Variants in SMARCC1 observed in about 807,000 individuals in gnomAD.
The protein encoded by SMARCC1 is SWI/SNF complex subunit SMARCC1.
A neutral mutation model predicts 147.4 loss-of-function variants in SMARCC1; 43 were observed. That is an observed-to-expected ratio of 0.29 (90% confidence interval 0.23 to 0.38). SMARCC1 has a LOEUF of 0.38. Ranked by LOEUF, SMARCC1 falls within the 10% of genes least tolerant of loss-of-function variation. The pLI is 1.00. For missense variants in SMARCC1, 1,119 were observed against 1,381.1 expected (o/e 0.81, Z 3.01); for synonymous variants, 495 against 484.4 (o/e 1.02, Z -0.29).
chr3:47,662,780 T>G (rs2033364568), intron 19 of SMARCC1, among the ~76,000 whole-genome samples, 188 bp from the exon 20 acceptor site: 1 of 151,870 alleles, frequency 6.6e-6, no homozygotes, highest in African/African-American at 2.4e-5. Context: ...ATGCATACTG[T>G]AAAGAAAGTA....
At chr3:47,689,045 C>T (rs1009961851) in intron 13 of SMARCC1, among the ~76,000 whole-genome samples, 1 of 151,702 alleles carries the variant, frequency 6.6e-6, no homozygotes, top group Admixed American at 6.6e-5. Context: ...TCCATCTCTA[C>T]AAAAAATAAA....
At chr3:47,734,479 C>G (rs1202633003) in intron 5 of SMARCC1, among the ~76,000 whole-genome samples, 1 of 152,156 alleles carries the variant, frequency 6.6e-6, no homozygotes, top group African/African-American at 2.4e-5. Context: ...AATTGGTAAT[C>G]TCTTTTGCAG....
intron 7 of SMARCC1, 135 bp downstream of exon 7, chr3:47,720,531 A>G: frequency 4.5e-6 from 3 of 665,348 alleles, no homozygotes; most frequent in Admixed American, 2.6e-5. Context: ...ACAGTCAATA[A>G]AAGACTCCAT....
intron 26 of SMARCC1, chr3:47,604,321 C>A (rs1291225176): frequency 1.3e-5 from 6 of 456,470 alleles, no homozygotes. Context: ...CCTAGTCCCT[C>A]CTCTCAGCAC....
intron 3 of SMARCC1, among the ~76,000 whole-genome samples, chr3:47,740,654 C>T (rs2034498880): frequency 6.6e-6 from 1 of 151,948 alleles, no homozygotes; most frequent in Non-Finnish European, 1.5e-5. Flanking sequence ...GTTCTTAATA[C>T]ATCCTGTGCA....
intron 11 of SMARCC1, 103 bp downstream of exon 11, chr3:47,701,175 G>C (rs893779498): frequency 2.2e-6 from 2 of 893,860 alleles, no homozygotes; most frequent in Non-Finnish European, 3.5e-6. Context: ...ATTCATACTT[G>C]AAAGTCGAGA....
At chr3:47,661,521 C>T in intron 20 of SMARCC1, 66 bp from the exon 21 acceptor site, 1 of 1,327,796 alleles carries the variant, frequency 7.5e-7, no homozygotes. Context: ...AGTGTAAAAC[C>T]ACCACCAGGA....
At chr3:47,638,585 C>A in intron 22 of SMARCC1, 140 bp downstream of exon 22, 1 of 681,330 alleles carries the variant, frequency 1.5e-6, no homozygotes, top group East Asian at 2.5e-5. Flanking sequence ...CCTGTGAGAA[C>A]TATACCTTAA....
chr3:47,751,161 G>A (rs1470941884), intron 2 of SMARCC1, among the ~76,000 whole-genome samples: 2 of 152,076 alleles, frequency 1.3e-5, no homozygotes, highest in East Asian at 1.9e-4. Flanking sequence ...GCCTCCCAAA[G>A]TGCTGGGATT....
intron 2 of SMARCC1, among the ~76,000 whole-genome samples, chr3:47,753,712 C>CAAAAAAAAAAAAAAAAAAAAAA: frequency 1.4e-5 from 1 of 69,606 alleles, no homozygotes; most frequent in Non-Finnish European, 2.6e-5. Flanking sequence ...AACTCCATCT[C>CAAAAAAAAAAAAAAAAAAAAAA]AAAAAAAAAA....
intron 2 of SMARCC1, among the ~76,000 whole-genome samples, chr3:47,769,209 T>C (rs1308765333): frequency 1.6e-5 from 1 of 62,776 alleles, no homozygotes; most frequent in Non-Finnish European, 2.9e-5. Context: ...AGACTCCGTC[T>C]CAAAAAAAAA....
At chr3:47,616,151 C>T (rs2032640876) in intron 25 of SMARCC1, among the ~76,000 whole-genome samples, 1 of 152,232 alleles carries the variant, frequency 6.6e-6, no homozygotes, top group Non-Finnish European at 1.5e-5. Flanking sequence ...GGCCCAGGCC[C>T]TTCAATTCTC....
At chr3:47,626,444 T>C (rs11130144) in intron 24 of SMARCC1, among the ~76,000 whole-genome samples, 85,579 of 140,910 alleles carry the variant, frequency 0.61, 26,641 homozygotes, top group East Asian at 0.72. Context: ...CCGTGCCTGG[T>C]GAGACCCTGT....
intron 2 of SMARCC1, among the ~76,000 whole-genome samples, chr3:47,765,141 G>A (rs1202482002): frequency 2.6e-5 from 4 of 152,060 alleles, no homozygotes; most frequent in Non-Finnish European, 5.9e-5. Context: ...ATCCCAGCTA[G>A]TCAGGAGGCT....
chr3:47,693,763 A>G (rs1172454329), intron 11 of SMARCC1, among the ~76,000 whole-genome samples: 2 of 152,170 alleles, frequency 1.3e-5, no homozygotes, highest in Non-Finnish European at 2.9e-5. Context: ...CCCAGGCTCA[A>G]GCGATCCTTT....
At chr3:47,693,158 G>T (rs2033810579) in intron 12 of SMARCC1, 83 bp downstream of exon 12, 1 of 854,412 alleles carries the variant, frequency 1.2e-6, no homozygotes, top group African/African-American at 1.7e-5. Context: ...AACAGAACAA[G>T]ACCTTGGAAG....
chr3:47,641,573 A>G (rs2033047774), intron 21 of SMARCC1, among the ~76,000 whole-genome samples: 1 of 152,220 alleles, frequency 6.6e-6, no homozygotes, highest in South Asian at 2.1e-4. Flanking sequence ...AAAGATCTGC[A>G]GAAAATTTAT....
chr3:47,610,311 T>C lies in SMARCC1; in HGVS notation c.2798A>G (p.Gln933Arg), dbSNP rs2032545451. ...GTTTTGGCGTTCAGTAAGCAACTGC[T>C]GCCTCTGTTGTTCTAGCTGTAAGCA... ...REKEALEQQRQQLLTERQNFH... is the reference protein window; with the variant it reads ...REKEALEQQRRQLLTERQNFH... Residue 933 changes from glutamine to arginine, a missense_variant, in exon 26 of 28, where the codon CAG (glutamine) becomes CGG (arginine). Gln to Arg is a conservative substitution (Grantham distance 43). Coordinates refer to ENST00000254480, the MANE Select transcript of SMARCC1 (RefSeq NM_003074.4). 3 of 1,614,246 alleles carry C rather than the reference T, an allele frequency of 1.9e-6. No individual in the cohort carries two copies. The highest frequency in any genetic ancestry group is 2.5e-6 in the Non-Finnish European group (3 of 1,180,042).
chr3:47,775,479 G>A (rs918947018), intron 1 of SMARCC1, among the ~76,000 whole-genome samples: 12 of 148,208 alleles, frequency 8.1e-5, no homozygotes, highest in East Asian at 6.3e-4. Context: ...TTTAATAAAC[G>A]GTATTCAAGG....
Sources: gnomAD v4.1 joint callset for allele counts (sites outside exome capture counted in the v4.1 genomes callset) on GRCh38, gnomAD v4.1.1 for gene constraint, MANE v1.5 for transcripts, NCBI Gene and HGNC (gene_info 2026-07-23, HGNC 2026-07-21) for gene names.